ANKRD29: variants seen among roughly 807,000 people sequenced by gnomAD.
ANKRD29 encodes the protein ankyrin repeat domain-containing protein 29.
In ANKRD29, 32 loss-of-function variants were observed where a neutral mutation model predicts 38.0. That is an observed-to-expected ratio of 0.84 (90% CI 0.64 to 1.13). ANKRD29 has a LOEUF of 1.13. Among genes scored for constraint, ANKRD29 ranks in the 50% most tolerant of loss-of-function variants. The probability of loss-of-function intolerance (pLI) is 0.00; values close to 1 mark genes in which losing one functional copy is unlikely to be tolerated. For synonymous variants in ANKRD29, 135 were observed against 152.4 expected, an observed-to-expected ratio of 0.89 and a Z score of 0.84; for missense variants, 357 against 377.9, an observed-to-expected ratio of 0.94 and a Z score of 0.46.
intron 1 of ANKRD29, among the ~76,000 whole-genome samples, chr18:23,661,743 CTGCTTCG>C (rs2060365009): frequency 6.6e-6 from 1 of 152,184 alleles, no homozygotes; most frequent in Non-Finnish European, 1.5e-5. Context: ...TCACATTCGT[CTGCTTCG>C]TTCCATTCTC....
chr18:23,620,387 T>C (rs2059781716), intron 6 of ANKRD29, among the ~76,000 whole-genome samples: 1 of 152,140 alleles, frequency 6.6e-6, no homozygotes, highest in Non-Finnish European at 1.5e-5. Flanking sequence ...CTGTGCACAC[T>C]GGGCCATGAG....
intron 8 of ANKRD29, among the ~76,000 whole-genome samples, chr18:23,615,260 C>T (rs963711201): frequency 7.2e-5 from 11 of 152,160 alleles, no homozygotes; most frequent in African/African-American, 1.9e-4. Context: ...CTTCCTGCCT[C>T]AGCCTCCCAA....
chr18:23,609,530 G>A (rs1183899778), intron 9 of ANKRD29, among the ~76,000 whole-genome samples: 1 of 152,156 alleles, frequency 6.6e-6, no homozygotes, highest in East Asian at 1.9e-4. Context: ...TGATACATCG[G>A]TTCTGTCTAG....
chr18:23,631,018 T>C (rs2059925127), intron 5 of ANKRD29, among the ~76,000 whole-genome samples: 1 of 150,530 alleles, frequency 6.6e-6, no homozygotes, highest in African/African-American at 2.4e-5. Context: ...GTAAAAGGTG[T>C]CCTTTTAATT....
chr18:23,652,995 C>T (rs1211994800), intron 1 of ANKRD29, among the ~76,000 whole-genome samples: 2 of 152,170 alleles, frequency 1.3e-5, no homozygotes, highest in Non-Finnish European at 2.9e-5. Context: ...TCTACATTTA[C>T]ATATGTTTAG....
At chr18:23,646,435 C>G (rs1262007253) in intron 2 of ANKRD29, 148 bp from the exon 3 acceptor site, 6 of 573,908 alleles carry the variant, frequency 1.0e-5, no homozygotes, top group Non-Finnish European at 1.8e-5. Flanking sequence ...CATGAATAAT[C>G]TCATCATGCA....
In ANKRD29 at chr18:23,619,572, C is replaced by G. The variant is rs978805465; in HGVS notation, c.586G>C (p.Val196Leu). ...CGGTCGGCTCCGCGCAGCAGCATCA[C>G]CCGCACCACCTCGCTGTGGCCCATC... is the stretch of plus-strand genomic sequence containing the variant. The part of the protein sequence containing the change: ...SQMGHSEVVR[V>L]MLLRGADRDA... Residue 196 changes from valine (V) to leucine (L), a missense_variant, in exon 7 of 10, where the codon GTG becomes CTG. Val to Leu is a conservative substitution (Grantham distance 32). Coordinates refer to ENST00000592179, the MANE Select transcript of ANKRD29 (RefSeq NM_173505.4). The G allele has an allele frequency of 1.9e-6, 3 of 1,597,758 alleles. No individual in the cohort carries two copies. Among genetic ancestry groups the G allele is most frequent in the African/African-American group, 2.7e-5 (2 of 74,834 alleles).
At chr18:23,607,740 C>G (rs2059590911) in intron 9 of ANKRD29, among the ~76,000 whole-genome samples, 1 of 152,206 alleles carries the variant, frequency 6.6e-6, no homozygotes, top group South Asian at 2.1e-4. Context: ...GTGCCCCAGG[C>G]TAGCCCCTAA....
At chr18:23,630,825 G>A (rs1201118123) in intron 5 of ANKRD29, among the ~76,000 whole-genome samples, 1 of 147,612 alleles carries the variant, frequency 6.8e-6, no homozygotes, top group East Asian at 2.0e-4. Flanking sequence ...AATTAGCTGG[G>A]CGAGGTGGCA....
intron 1 of ANKRD29, among the ~76,000 whole-genome samples, chr18:23,650,290 C>T (rs1224989848): frequency 1.3e-5 from 2 of 151,320 alleles, no homozygotes; most frequent in East Asian, 1.9e-4. Flanking sequence ...AGACCCCAGG[C>T]GCATGCCACC....
At position 23,605,532 on chromosome 18, in the gene ANKRD29, G is replaced by A. The variant is rs1367059939; in HGVS notation, c.823-4223C>T. 1.3e-4 allele frequency among the ~76,000 whole-genome samples: 20 copies of A among 150,734 alleles called. No homozygotes were observed. In the South Asian group the frequency reaches 4.2e-3, roughly 32 times the overall value. On this transcript the variant is annotated intron_variant, in intron 9 of 9. Transcript: ENST00000592179. ...ACAGAATTTTATTATTATTATTATT[G>A]TCATTATTTTTTGAGACAGAGTCTC...
intron 6 of ANKRD29, among the ~76,000 whole-genome samples, chr18:23,627,519 C>T (rs1158722124): frequency 6.6e-6 from 1 of 152,164 alleles, no homozygotes; most frequent in Admixed American, 6.5e-5. Context: ...TTGGTTTACT[C>T]TTTAACTTCT....
intron 1 of ANKRD29, among the ~76,000 whole-genome samples, chr18:23,658,077 T>C (rs1319900804): frequency 6.6e-6 from 1 of 152,238 alleles, no homozygotes; most frequent in Non-Finnish European, 1.5e-5. Context: ...ATGTATATCC[T>C]ATGCCTGTCC....
intron 4 of ANKRD29, among the ~76,000 whole-genome samples, chr18:23,637,475 G>A (rs2060017119): frequency 6.6e-6 from 1 of 152,012 alleles, no homozygotes; most frequent in Non-Finnish European, 1.5e-5. Flanking sequence ...ACGGCTCATT[G>A]CCGCCTTGAC....
intron 1 of ANKRD29, among the ~76,000 whole-genome samples, chr18:23,660,557 A>G (rs1366564351): frequency 2.0e-5 from 3 of 152,234 alleles, no homozygotes; most frequent in African/African-American, 4.8e-5. Context: ...CTCTAATCCC[A>G]GCACTTTGGG....
chr18:23,614,234 G>T (rs943246283), intron 8 of ANKRD29, among the ~76,000 whole-genome samples: 1 of 151,462 alleles, frequency 6.6e-6, no homozygotes, highest in Non-Finnish European at 1.5e-5. Flanking sequence ...GCTTATTTTT[G>T]TATTTTTAGT....
At chr18:23,615,750 C>T (rs2059701997) in intron 8 of ANKRD29, among the ~76,000 whole-genome samples, 1 of 151,854 alleles carries the variant, frequency 6.6e-6, no homozygotes, top group Non-Finnish European at 1.5e-5. Context: ...TGGATTACCA[C>T]AGCAGAGTTG....
At position 23,661,641 on chromosome 18, in the gene ANKRD29, G is replaced by A. The variant is rs557030565; in HGVS notation, c.21+1069C>T. On this transcript the variant is annotated intron_variant, in intron 1 of 9. Transcript: ENST00000592179. The stretch of plus-strand genomic sequence containing the variant: ...GAGAAATAGCTTGAACCCGGGAGGC[G>A]GAAGTTGCAGTGAGCTGAGATCACA... Among the ~76,000 whole-genome samples the A allele has an allele frequency of 3.3e-5, 5 of 152,270 alleles. No individual in the cohort carries two copies. The South Asian group carries it at 1.0e-3, about 32-fold the overall frequency.
chr18:23,643,485 C>G (rs908533518), intron 3 of ANKRD29, among the ~76,000 whole-genome samples: 2 of 152,156 alleles, frequency 1.3e-5, no homozygotes, highest in Non-Finnish European at 2.9e-5. Context: ...AAATAATTTG[C>G]TTTTCAATAG....
Sources: gnomAD v4.1 joint callset for allele counts (sites outside exome capture counted in the v4.1 genomes callset) on GRCh38, gnomAD v4.1.1 for gene constraint, MANE v1.5 for transcripts, NCBI Gene and HGNC (gene_info 2026-07-23, HGNC 2026-07-21) for gene names.